Variants in RNF144B observed in about 807,000 individuals in gnomAD.
RNF144B encodes the protein E3 ubiquitin-protein ligase RNF144B.
Under a neutral mutation model 40.2 loss-of-function variants are expected in RNF144B, and 25 were observed. The observed-to-expected ratio is 0.62, with a 90% CI of 0.45 to 0.87. The LOEUF (loss-of-function observed/expected upper bound fraction) is 0.87. RNF144B is among the 40% of genes least tolerant of loss of function. The pLI, the probability that RNF144B is intolerant of heterozygous loss-of-function variation, is 0.00. For synonymous variants in RNF144B, 145 were observed against 136.3 expected (o/e 1.06, Z -0.44); for missense variants, 365 against 373.7 (o/e 0.98, Z 0.19).
At chr6:18,430,691 T>C (rs1758673863) in intron 3 of RNF144B, among the ~76,000 whole-genome samples, 1 of 151,698 alleles carries the variant, frequency 6.6e-6, no homozygotes, top group Admixed American at 6.6e-5. Flanking sequence ...GGTCTCTCTA[T>C]GTTTTCCAGC....
intron 4 of RNF144B, among the ~76,000 whole-genome samples, chr6:18,445,754 C>T (rs1334351991): frequency 1.3e-5 from 2 of 152,138 alleles, no homozygotes; most frequent in Admixed American, 1.3e-4. Context: ...ATGTTTTCAT[C>T]ACTGCTGATG....
At chr6:18,420,515 C>T (rs1795237088) in intron 2 of RNF144B, among the ~76,000 whole-genome samples, 1 of 152,108 alleles carries the variant, frequency 6.6e-6, no homozygotes, top group African/African-American at 2.4e-5. Flanking sequence ...ATTTGCAATG[C>T]AGCATGCTGG....
Position 18,406,077 on chromosome 6 carries a change from G to C in RNF144B, c.165+6378G>C, listed in dbSNP as rs1345549120. ...TATTTATTCAACAAATATTTGCTGT[G>C]TCTTGCATAGTTCTGATGGTTTGAA... On this transcript the variant is annotated intron_variant, in intron 2 of 7. Transcript: ENST00000259939. This position sits in a 1 kb window ranked among gnomAD's most constrained non-coding sequence, Gnocchi z 4.2. The C allele has an allele frequency of 1.9e-6, 1 of 518,992 alleles. No homozygotes were observed. Among genetic ancestry groups the C allele is most frequent in the Non-Finnish European group, 3.8e-6 (1 of 259,848 alleles). The allele number at this position is 518,992 out of a possible 1,614,324, so 32.1% of individuals were successfully genotyped here. A position where few individuals can be genotyped will look rare whatever the true frequency, so the allele number is the denominator to read the frequency against.
Position 18,400,923 on chromosome 6 carries a change from T to G in RNF144B, c.165+1224T>G, listed in dbSNP as rs1290330638. On this transcript the variant is annotated intron_variant, in intron 2 of 7. Transcript: ENST00000259939. The surrounding 1 kb of genome is among the most constrained non-coding windows in gnomAD (Gnocchi z 5.6). ...CCTTCCTCTTGTTGTTAGTGTGTGT[T>G]GCTTTATAGGAAGTGAGGAAATGGC... Among the ~76,000 whole-genome samples the G allele has an allele frequency of 6.6e-6, 1 of 152,128 alleles. No individual in the cohort carries two copies. The highest frequency in any genetic ancestry group is 6.5e-5 in the Admixed American group (1 of 15,270).
Position 18,458,299 on chromosome 6 carries a change from C to A in RNF144B, c.536+940C>A, listed in dbSNP as rs933671861. ...AGTGAGAGACCTCTGTGTTTCATTC[C>A]TGCTTTGCTTGAGGCTATCGTTGTT... On this transcript the variant is annotated intron_variant, in intron 5 of 7. Coordinates refer to ENST00000259939, the MANE Select transcript of RNF144B (RefSeq NM_182757.4). This position sits in a 1 kb window ranked among gnomAD's most constrained non-coding sequence, Gnocchi z 4.8. Among the ~76,000 whole-genome samples the A allele has an allele frequency of 6.6e-6, 1 of 152,154 alleles. No individual in the cohort carries two copies. The highest frequency in any genetic ancestry group is 2.4e-5 in the African/African-American group (1 of 41,452).
At position 18,463,319 on chromosome 6, in the gene RNF144B, A is replaced by G. The variant is rs753008339; in HGVS notation, c.710A>G (p.Lys237Arg). Residue 237 changes from lysine to arginine, a missense_variant, in exon 7 of 8, where the codon AAA becomes AGA. Coordinates refer to ENST00000259939, the MANE Select transcript of RNF144B (RefSeq NM_182757.4). ...DNDIFLRHYD[K>R]GPCRNKLGHS... ...GACATTTTCCTCAGACATTATGACA[A>G]AGGGCCATGCAGGAATAAACTTGGC... The G allele has an allele frequency of 9.3e-6, 15 of 1,609,216 alleles. No homozygotes were observed. The highest frequency in any genetic ancestry group is 1.3e-5 in the African/African-American group (1 of 74,814).
chr6:18,405,424 C>T lies in RNF144B; in HGVS notation c.165+5725C>T, dbSNP rs1794884106. The stretch of plus-strand genomic sequence containing the variant: ...ACTCCTGACCTCGTGATCCACCTGC[C>T]TCGGCCTCCCAAAGTGCTGGGATTA... On this transcript the variant is annotated intron_variant, in intron 2 of 7. Coordinates refer to ENST00000259939, the MANE Select transcript of RNF144B (RefSeq NM_182757.4). This position sits in a 1 kb window ranked among gnomAD's most constrained non-coding sequence, Gnocchi z 4.5. 6.6e-6 allele frequency among the ~76,000 whole-genome samples: 1 copy of T among 152,054 alleles called. No individual in the cohort carries two copies. The highest frequency in any genetic ancestry group is 1.5e-5 in the Non-Finnish European group (1 of 68,006).
In RNF144B at chr6:18,446,633, A is replaced by T. The variant is rs908906037; in HGVS notation, c.331+6889A>T. On this transcript the variant is annotated intron_variant, in intron 4 of 7. Transcript: ENST00000259939. The surrounding 1 kb of genome is among the most constrained non-coding windows in gnomAD (Gnocchi z 4.7). ...CTGTTATGTCACTCCATTTAGTTACACAAATGCAACATTCTAGGCATCTTG... is the reference window on the plus strand; with the variant it reads ...CTGTTATGTCACTCCATTTAGTTACTCAAATGCAACATTCTAGGCATCTTG... 6.6e-6 allele frequency among the ~76,000 whole-genome samples: 1 copy of T among 152,154 alleles called. No homozygotes were observed.
At chr6:18,452,182 C>A (rs1473626170) in intron 4 of RNF144B, among the ~76,000 whole-genome samples, 1 of 152,172 alleles carries the variant, frequency 6.6e-6, no homozygotes, top group African/African-American at 2.4e-5. Flanking sequence ...TTTTGAAAAA[C>A]CCAGAAATTA....
Position 18,456,616 on chromosome 6 carries a change from G to A in RNF144B, c.332-539G>A, listed in dbSNP as rs980683177. On this transcript the variant is annotated intron_variant, in intron 4 of 7. Coordinates refer to ENST00000259939, the MANE Select transcript of RNF144B (RefSeq NM_182757.4). This position sits in a 1 kb window ranked among gnomAD's most constrained non-coding sequence, Gnocchi z 4.7. ...GAACACTTTTTATCTGTTCATAAAG[G>A]CAATGGTAAGCTATTCTGTTAGTAC... 2.0e-5 allele frequency among the ~76,000 whole-genome samples: 3 copies of A among 152,154 alleles called. No individual in the cohort carries two copies. Among genetic ancestry groups the A allele is most frequent in the Non-Finnish European group, 4.4e-5 (3 of 68,012 alleles).
intron 4 of RNF144B, among the ~76,000 whole-genome samples, chr6:18,445,285 A>G (rs998409041): frequency 1.3e-5 from 2 of 152,208 alleles, no homozygotes; most frequent in African/African-American, 2.4e-5. Context: ...CAAACTCAGC[A>G]TATGTAATGC....
At chr6:18,449,699 A>G (rs922215471) in intron 4 of RNF144B, among the ~76,000 whole-genome samples, 1 of 150,448 alleles carries the variant, frequency 6.6e-6, no homozygotes, top group South Asian at 2.1e-4. Flanking sequence ...GTTTTGAAGT[A>G]TATATATATA....
chr6:18,452,252 A>G (rs1164838930), intron 4 of RNF144B, among the ~76,000 whole-genome samples: 3 of 152,212 alleles, frequency 2.0e-5, no homozygotes, highest in Non-Finnish European at 4.4e-5. Flanking sequence ...GAGCACACAA[A>G]CAGAATGAGA....
intron 2 of RNF144B, among the ~76,000 whole-genome samples, chr6:18,411,120 G>A (rs1582409171): frequency 6.6e-6 from 1 of 151,906 alleles, no homozygotes; most frequent in East Asian, 1.9e-4. Context: ...GAGTAGCTGG[G>A]ACTACAGGCA....
intron 2 of RNF144B, among the ~76,000 whole-genome samples, chr6:18,408,267 GA>G (rs1302351064): frequency 2.6e-5 from 4 of 152,074 alleles, no homozygotes; most frequent in African/African-American, 9.7e-5. Context: ...TTACAGATGT[GA>G]GCCACTGTAC....
In RNF144B at chr6:18,438,722, T is replaced by C. The variant is rs1335646543; in HGVS notation, c.271-962T>C. Among the ~76,000 whole-genome samples the C allele has an allele frequency of 3.3e-5, 5 of 152,090 alleles. No individual in the cohort carries two copies. In the East Asian group the frequency reaches 9.6e-4, roughly 29 times the overall value. ...CTTTCCTTAGTTGCAAGAACGTCAATGTAGGTGTGTTTTGTGCCAAAAAAA... is the reference window on the plus strand; with the variant it reads ...CTTTCCTTAGTTGCAAGAACGTCAACGTAGGTGTGTTTTGTGCCAAAAAAA... On this transcript the variant is annotated intron_variant, in intron 3 of 7. Transcript: ENST00000259939.
At chr6:18,432,587 T>TA (rs1294400709) in intron 3 of RNF144B, among the ~76,000 whole-genome samples, 2 of 152,194 alleles carry the variant, frequency 1.3e-5, no homozygotes, top group Non-Finnish European at 2.9e-5. Flanking sequence ...GTAGCCCTGT[T>TA]AAAAAAGGTG....
Position 18,447,447 on chromosome 6 carries a change from G to T in RNF144B, c.331+7703G>T, listed in dbSNP as rs1438353893. ...TAGATTATGAAGATGAAGTCTTAGT[G>T]GGATGAGAAGCCATTGGAGGGTTTG... On this transcript the variant is annotated intron_variant, in intron 4 of 7. Transcript: ENST00000259939. This position sits in a 1 kb window ranked among gnomAD's most constrained non-coding sequence, Gnocchi z 5.6. Among the ~76,000 whole-genome samples, 1 of 152,126 alleles carries T rather than the reference G, an allele frequency of 6.6e-6. No homozygotes were observed. The highest frequency in any genetic ancestry group is 1.5e-5 in the Non-Finnish European group (1 of 68,016).
rs118025900 is a variant in RNF144B at position 18,458,567 on chromosome 6, C to T, written c.537-1040C>T. ...TTTTCGTGGCCATAGCAGGAAGCTC[C>T]GTGGGTATCACAGGGCAACGTAAAG... On this transcript the variant is annotated intron_variant, in intron 5 of 7. Coordinates refer to ENST00000259939, the MANE Select transcript of RNF144B (RefSeq NM_182757.4). This position sits in a 1 kb window ranked among gnomAD's most constrained non-coding sequence, Gnocchi z 4.8. 3.6e-3 allele frequency among the ~76,000 whole-genome samples: 554 copies of T among 152,204 alleles called. 29 individuals carry two copies. The East Asian group carries it at 0.092, about 25-fold the overall frequency.
Sources: allele counts gnomAD v4.1 joint callset (sites outside exome capture counted in the v4.1 genomes callset), GRCh38; gene constraint gnomAD v4.1.1; non-coding constraint Gnocchi (gnomAD v3.1); transcripts MANE v1.5; gene names NCBI Gene and HGNC (gene_info 2026-07-23, HGNC 2026-07-21).